MATN2: variants seen among roughly 807,000 people sequenced by gnomAD.
MATN2 encodes matrilin 2.
In MATN2, 69 loss-of-function variants were observed where a neutral mutation model predicts 103.2. The observed-to-expected ratio is 0.67, with a 90% CI of 0.55 to 0.82. The LOEUF is 0.82. Ranked by LOEUF, MATN2 falls within the 40% of genes least tolerant of loss-of-function variation. The pLI, the probability that MATN2 is intolerant of heterozygous loss-of-function variation, is 0.00. For synonymous variants in MATN2, 429 were observed against 450.2 expected (o/e 0.95, Z 0.60); for missense variants, 1,023 against 1,211.5 (o/e 0.84, Z 2.31).
At chr8:97,968,757 G>A (rs2444870) in intron 5 of MATN2, among the ~76,000 whole-genome samples, 126,903 of 152,188 alleles carry the variant, frequency 0.83, 53,306 homozygotes, top group African/African-American at 0.89. Flanking sequence ...GTCTCTAAGG[G>A]GTTCCAAACT....
intron 2 of MATN2, among the ~76,000 whole-genome samples, chr8:97,906,048 T>C (rs1366001268): frequency 1.3e-5 from 2 of 152,222 alleles, no homozygotes; most frequent in Non-Finnish European, 2.9e-5. Context: ...TTTGGATATA[T>C]ACTAAGGAGT....
chr8:98,031,109 G>A (rs10093417), intron 15 of MATN2, among the ~76,000 whole-genome samples: 13,805 of 152,188 alleles, frequency 0.091, 781 homozygotes, highest in East Asian at 0.19. Context: ...GGCTGCGGTG[G>A]GAGGATTGCT....
At chr8:97,919,618 C>T (rs1301865425) in intron 2 of MATN2, among the ~76,000 whole-genome samples, 1 of 152,184 alleles carries the variant, frequency 6.6e-6, no homozygotes, top group African/African-American at 2.4e-5. Flanking sequence ...CCAGCGTTCC[C>T]AGCCCATTCC....
intron 5 of MATN2, among the ~76,000 whole-genome samples, chr8:97,964,773 AC>A (rs1373505553): frequency 1.3e-5 from 2 of 151,884 alleles, no homozygotes; most frequent in East Asian, 3.9e-4. Flanking sequence ...TCACTCTGTC[AC>A]CCAGACTGGA....
At chr8:98,000,155 C>T (rs1335359630) in intron 7 of MATN2, among the ~76,000 whole-genome samples, 1 of 151,616 alleles carries the variant, frequency 6.6e-6, no homozygotes, top group East Asian at 2.0e-4. Context: ...TGCTGGGATA[C>T]AGGCATGAGC....
chr8:97,896,185 T>C (rs1818800194), intron 2 of MATN2, among the ~76,000 whole-genome samples: 1 of 152,216 alleles, frequency 6.6e-6, no homozygotes, highest in Non-Finnish European at 1.5e-5. Flanking sequence ...GCTGATTTCA[T>C]TCTTATTTGA....
At chr8:97,909,033 T>A (rs1367245116) in intron 2 of MATN2, among the ~76,000 whole-genome samples, 4 of 151,570 alleles carry the variant, frequency 2.6e-5, no homozygotes, top group Admixed American at 6.6e-5. Context: ...CTGCCTCCCA[T>A]GCTCAAGTGA....
chr8:97,932,642 C>A (rs1012641312), intron 3 of MATN2, among the ~76,000 whole-genome samples: 17 of 152,176 alleles, frequency 1.1e-4, no homozygotes, highest in Non-Finnish European at 2.5e-4. Flanking sequence ...CCTGCATTCT[C>A]CCCAGTTTCC....
At chr8:97,915,380 TC>T (rs1809587476) in intron 2 of MATN2, among the ~76,000 whole-genome samples, 1 of 152,152 alleles carries the variant, frequency 6.6e-6, no homozygotes, top group African/African-American at 2.4e-5. Context: ...TCATACTCTA[TC>T]CCTAGCACCC....
In MATN2 at chr8:97,931,335, C is replaced by A; in HGVS notation, c.525C>A (p.Asp175Glu). Residue 175 changes from aspartate to glutamate, a missense_variant, in exon 3 of 19, where the codon GAC (aspartate) becomes GAA (glutamate). Transcript: ENST00000254898. The surrounding 1 kb of genome is among the most constrained non-coding windows in gnomAD (Gnocchi z 4.1). ...IMIVTDGRPQ[D>E]SVAEVAAKAR... The stretch of plus-strand genomic sequence containing the variant: ...TCGTGACAGATGGGAGACCTCAGGA[C>A]TCCGTGGCCGAGGTGGCTGCTAAGG... The A allele has an allele frequency of 6.2e-7, 1 of 1,613,884 alleles. No individual in the cohort carries two copies. Among genetic ancestry groups the A allele is most frequent in the Non-Finnish European group, 8.5e-7 (1 of 1,179,864 alleles).
intron 1 of MATN2, among the ~76,000 whole-genome samples, chr8:97,875,035 C>T (rs1007496129): frequency 6.6e-5 from 10 of 152,030 alleles, no homozygotes; most frequent in African/African-American, 1.7e-4. Context: ...CTTTTGAGGA[C>T]GCTCGTGATT....
intron 7 of MATN2, among the ~76,000 whole-genome samples, chr8:98,001,271 T>C (rs1434174682): frequency 6.6e-6 from 1 of 152,168 alleles, no homozygotes; most frequent in African/African-American, 2.4e-5. Flanking sequence ...GACTCAGTGA[T>C]ATTATCAAGA....
intron 5 of MATN2, among the ~76,000 whole-genome samples, chr8:97,962,123 T>C (rs1283369740): frequency 6.6e-6 from 1 of 152,222 alleles, no homozygotes; most frequent in Non-Finnish European, 1.5e-5. Flanking sequence ...ACATCCCCCC[T>C]GTTTATCTAC....
chr8:97,970,805 G>T (rs1052573830), intron 5 of MATN2, among the ~76,000 whole-genome samples: 3 of 152,122 alleles, frequency 2.0e-5, no homozygotes, highest in African/African-American at 7.2e-5. Context: ...AAAAAAATCA[G>T]CTGGGTGTGG....
rs1187974673 is a variant in MATN2 at position 97,931,101 on chromosome 8, C to G, written c.291C>G (p.Gly97=). Residue 97 remains glycine (G), a synonymous_variant, in exon 3 of 19, where the codon GGC becomes GGG. Coordinates refer to ENST00000254898, the MANE Select transcript of MATN2 (RefSeq NM_002380.5). The surrounding 1 kb of genome is among the most constrained non-coding windows in gnomAD (Gnocchi z 4.1). ...LDIGPDVTRV[G]LLQYGSTVKN... is the part of the protein sequence containing the mutation. ...TTGGTCCTGATGTCACCCGAGTGGG[C>G]CTGCTCCAATATGGCAGCACTGTCA... 1 of 1,613,906 alleles carries G rather than the reference C, an allele frequency of 6.2e-7. No homozygotes were observed. Among genetic ancestry groups the G allele is most frequent in the Admixed American group, 1.7e-5 (1 of 60,000 alleles).
intron 4 of MATN2, among the ~76,000 whole-genome samples, chr8:97,953,172 TG>T (rs1811019222): frequency 6.6e-6 from 1 of 152,056 alleles, no homozygotes. Flanking sequence ...CCCAAAGTGC[TG>T]GGATTATAGG....
intron 2 of MATN2, among the ~76,000 whole-genome samples, chr8:97,910,460 G>A (rs1586403995): frequency 6.6e-6 from 1 of 152,298 alleles, no homozygotes; most frequent in African/African-American, 2.4e-5. Flanking sequence ...ATCCAGGGGA[G>A]GGATGATGGT....
chr8:97,892,316 G>A (rs1212963558), intron 2 of MATN2, among the ~76,000 whole-genome samples: 1 of 150,826 alleles, frequency 6.6e-6, no homozygotes, highest in Non-Finnish European at 1.5e-5. Flanking sequence ...GAAATGCTTA[G>A]GCTGCAGGAT....
At chr8:97,921,415 T>C (rs1270340887) in intron 2 of MATN2, among the ~76,000 whole-genome samples, 1 of 152,174 alleles carries the variant, frequency 6.6e-6, no homozygotes, top group Non-Finnish European at 1.5e-5. Context: ...ATCAACTGCA[T>C]TCTACAGTGT....
Sources: gnomAD v4.1 joint callset for allele counts (sites outside exome capture counted in the v4.1 genomes callset) on GRCh38, gnomAD v4.1.1 for gene constraint, Gnocchi (gnomAD v3.1) non-coding constraint, MANE v1.5 for transcripts, NCBI Gene and HGNC (gene_info 2026-07-23, HGNC 2026-07-21) for gene names.